CLASP1: variants seen among roughly 807,000 people sequenced by gnomAD.
CLASP1 encodes the protein CLIP-associating protein 1.
A neutral mutation model predicts 192.3 loss-of-function variants in CLASP1; 38 were observed. The observed-to-expected ratio is 0.20, with a 90% CI of 0.15 to 0.26. The LOEUF (loss-of-function observed/expected upper bound fraction) is 0.26. Ranked by LOEUF, CLASP1 falls within the 10% of genes least tolerant of loss-of-function variation. The probability of loss-of-function intolerance (pLI) is 1.00; values close to 1 mark genes in which losing one functional copy is unlikely to be tolerated. For synonymous variants in CLASP1, 691 were observed against 712.8 expected (o/e 0.97, Z 0.49); for missense variants, 1,433 against 1,932.5 (o/e 0.74, Z 4.85).
At chr2:121,582,489 A>G (rs2061306643) in intron 2 of CLASP1, among the ~76,000 whole-genome samples, 1 of 150,488 alleles carries the variant, frequency 6.6e-6, no homozygotes, top group African/African-American at 2.4e-5. Context: ...AAGGAAGGAA[A>G]GAAGGGAGGG....
chr2:121,488,682 G>A (rs577335278), intron 8 of CLASP1, among the ~76,000 whole-genome samples: 4 of 152,134 alleles, frequency 2.6e-5, no homozygotes, highest in Admixed American at 2.0e-4. Flanking sequence ...AACAAAAAAC[G>A]CAGGAAAGTG....
chr2:121,499,251 AACTTCTGAT>A (rs1346270358), intron 8 of CLASP1, among the ~76,000 whole-genome samples: 1 of 152,268 alleles, frequency 6.6e-6, no homozygotes, highest in Non-Finnish European at 1.5e-5. Flanking sequence ...AAAAGAAATG[AACTTCTGAT>A]ACATGCTACA....
At chr2:121,587,502 T>C (rs566433089) in intron 2 of CLASP1, among the ~76,000 whole-genome samples, 26 of 152,290 alleles carry the variant, frequency 1.7e-4, no homozygotes, top group African/African-American at 5.8e-4. Context: ...GAGCACAAAC[T>C]GGCTCTTAGA....
intron 18 of CLASP1, 137 bp downstream of exon 18, chr2:121,448,139 G>A (rs1559234880): frequency 2.8e-6 from 2 of 720,218 alleles, no homozygotes; most frequent in East Asian, 5.0e-5. Context: ...TCAGGGCAGG[G>A]CAGAGCAGGC....
intron 8 of CLASP1, among the ~76,000 whole-genome samples, chr2:121,485,751 C>A (rs1230253454): frequency 6.6e-6 from 1 of 151,962 alleles, no homozygotes; most frequent in Non-Finnish European, 1.5e-5. Flanking sequence ...CGCCTGTAAT[C>A]CCAGCTACTA....
At chr2:121,485,243 A>G (rs908199327) in intron 8 of CLASP1, among the ~76,000 whole-genome samples, 1 of 152,232 alleles carries the variant, frequency 6.6e-6, no homozygotes, top group Admixed American at 6.5e-5. Flanking sequence ...ATTTGCCTTG[A>G]ACAATGAAGC....
chr2:121,526,231 G>A lies in CLASP1; in HGVS notation c.471-311C>T, dbSNP rs1415218474. On this transcript the variant is annotated intron_variant, in intron 5 of 39. Coordinates refer to ENST00000263710, the Ensembl canonical transcript of CLASP1. Reference sequence around the variant, plus strand: ...CCCCCAGGTCCCGCTTGCCTCACAGGTGCTGCCTCTGCATTACTGTCTGTC... The same window carrying A: ...CCCCCAGGTCCCGCTTGCCTCACAGATGCTGCCTCTGCATTACTGTCTGTC... Among the ~76,000 whole-genome samples the A allele has an allele frequency of 5.9e-5, 9 of 152,344 alleles. No individual in the cohort carries two copies. The East Asian group carries it at 1.5e-3, about 26-fold the overall frequency.
intron 8 of CLASP1, among the ~76,000 whole-genome samples, chr2:121,478,837 C>CCA (rs1559368025): frequency 4.2e-5 from 4 of 94,370 alleles, no homozygotes; most frequent in East Asian, 4.1e-4. Flanking sequence ...ACACCACACA[C>CCA]CACACACACA....
intron 2 of CLASP1, among the ~76,000 whole-genome samples, chr2:121,558,713 T>C (rs2058802807): frequency 6.6e-6 from 1 of 152,198 alleles, no homozygotes. Context: ...AATTCCTTTT[T>C]ACAATAATTT....
chr2:121,401,131 G>A (rs1273712167), intron 28 of CLASP1, among the ~76,000 whole-genome samples: 1 of 152,112 alleles, frequency 6.6e-6, no homozygotes, highest in Non-Finnish European at 1.5e-5. Flanking sequence ...ATCATACACC[G>A]ATAGAAAAAT....
intron 2 of CLASP1, among the ~76,000 whole-genome samples, chr2:121,596,947 C>A (rs1322778665): frequency 6.6e-6 from 1 of 152,160 alleles, no homozygotes; most frequent in African/African-American, 2.4e-5. Flanking sequence ...AGGGAACCCA[C>A]AAATTTCAAA....
At chr2:121,455,875 A>T (rs1222879223) in intron 14 of CLASP1, among the ~76,000 whole-genome samples, 1 of 151,884 alleles carries the variant, frequency 6.6e-6, no homozygotes, top group Non-Finnish European at 1.5e-5. Flanking sequence ...AGCAAACAAA[A>T]TTGGACTCAT....
intron 32 of CLASP1, among the ~76,000 whole-genome samples, chr2:121,386,878 G>GT (rs2149379440): frequency 6.6e-6 from 1 of 152,332 alleles, no homozygotes; most frequent in South Asian, 2.1e-4. Flanking sequence ...TTAGGTACTA[G>GT]TGAGTGTTTA....
chr2:121,440,108 A>AC (rs1340586293), intron 19 of CLASP1, among the ~76,000 whole-genome samples: 1 of 147,218 alleles, frequency 6.8e-6, no homozygotes, highest in African/African-American at 2.4e-5. Context: ...AAAAAAAAAA[A>AC]AAAAACTAAG....
intron 8 of CLASP1, among the ~76,000 whole-genome samples, chr2:121,483,381 T>G (rs532468359): frequency 1.3e-5 from 2 of 152,236 alleles, no homozygotes; most frequent in African/African-American, 2.4e-5. Context: ...AAATAAGTTC[T>G]TACTTTAGGA....
intron 39 of CLASP1, among the ~76,000 whole-genome samples, chr2:121,342,235 C>G (rs576020023): frequency 1.3e-5 from 2 of 152,142 alleles, no homozygotes; most frequent in Non-Finnish European, 2.9e-5. Context: ...GATCCTCCCA[C>G]CTTAGCTTCC....
At chr2:121,403,263 T>C (rs1239028176) in intron 26 of CLASP1, among the ~76,000 whole-genome samples, 1 of 152,152 alleles carries the variant, frequency 6.6e-6, no homozygotes, top group Non-Finnish European at 1.5e-5. Context: ...CTTGCATTCA[T>C]CCCCTTTACT....
chr2:121,388,393 A>C (rs1339646362), intron 30 of CLASP1, among the ~76,000 whole-genome samples: 2 of 152,232 alleles, frequency 1.3e-5, no homozygotes, highest in Non-Finnish European at 2.9e-5. Context: ...TAAATACCTC[A>C]GAAAAACTTC....
Position 121,635,927 on chromosome 2 carries a change from C to T in CLASP1, c.-286+13445G>A, listed in dbSNP as rs577211293. Among the ~76,000 whole-genome samples the T allele has an allele frequency of 3.3e-5, 5 of 152,302 alleles. No individual in the cohort carries two copies. In the East Asian group the frequency reaches 9.7e-4, roughly 29 times the overall value. On this transcript the variant is annotated intron_variant, in intron 1 of 39. Transcript: ENST00000263710. The stretch of plus-strand genomic sequence containing the variant: ...CTAGTTAACAAATTTTCAGGCCAGG[C>T]GCAGTGGCTCACGCCTGTTATCCCA...
Sources: gnomAD v4.1 joint callset for allele counts (sites outside exome capture counted in the v4.1 genomes callset) on GRCh38, gnomAD v4.1.1 for gene constraint, MANE v1.5 for transcripts, NCBI Gene and HGNC (gene_info 2026-07-23, HGNC 2026-07-21) for gene names.